The following ZFPM1 variants were observed in gnomAD, a reference collection of about 807,000 sequenced individuals.
ZFPM1 encodes zinc finger protein, FOG family member 1, also known as zinc finger protein ZFPM1.
Under a neutral mutation model 46.3 loss-of-function variants are expected in ZFPM1, and 28 were observed. That is an observed-to-expected ratio of 0.60 (90% confidence interval 0.45 to 0.83). ZFPM1 has a LOEUF of 0.83. Among genes scored for constraint, ZFPM1 ranks in the 40% least tolerant of loss-of-function variants. The pLI is 0.00. For missense variants in ZFPM1, 1,878 were observed against 1,432.4 expected (o/e 1.31, Z -5.02); for synonymous variants, 957 against 675.9 (o/e 1.42, Z -6.45).
intron 4 of ZFPM1, among the ~76,000 whole-genome samples, chr16:88,520,591 AGGGTGAG>A (rs1281318857): frequency 0.23 from 15,060 of 66,162 alleles, 1,206 homozygotes; most frequent in Middle Eastern, 0.41. Context: ...GATGGATGGG[AGGGTGAG>A]TGGGTGGATG....
Position 88,518,062 on chromosome 16 carries a change from G to A in ZFPM1, c.402+3542G>A, listed in dbSNP as rs78296373. Among the ~76,000 whole-genome samples the A allele has an allele frequency of 5.4e-3, 828 of 152,228 alleles. 6 individuals are homozygous for A. Among genetic ancestry groups the A allele is most frequent in the African/African-American group, 0.019 (797 of 41,542 alleles). ...CGTCTCTATTAAAAAAAAATTAGCC[G>A]GGCATGGTGGCGGGCGCCTGTAGCC... is the stretch of plus-strand genomic sequence containing the variant. On this transcript the variant is annotated intron_variant, in intron 4 of 9. Transcript: ENST00000319555.
Position 88,480,827 on chromosome 16 carries a change from C to A in ZFPM1, c.41-5112C>A, listed in dbSNP as rs562811770. Among the ~76,000 whole-genome samples, 10 of 152,348 alleles carry A rather than the reference C, an allele frequency of 6.6e-5. No individual in the cohort carries two copies. Among genetic ancestry groups the A allele is most frequent in the African/African-American group, 2.4e-4 (10 of 41,584 alleles). ...GGGCCCACAGTCTGGGGGATGCCCCCCTCTCCTCAGCGACTGGCTCCAGCT... is the reference window on the plus strand; with the variant it reads ...GGGCCCACAGTCTGGGGGATGCCCCACTCTCCTCAGCGACTGGCTCCAGCT... On this transcript the variant is annotated intron_variant, in intron 1 of 9. Transcript: ENST00000319555. This position sits in a 1 kb window ranked among gnomAD's most constrained non-coding sequence, Gnocchi z 4.9.
chr16:88,529,582 T>C (rs1291045915), intron 6 of ZFPM1, among the ~76,000 whole-genome samples: 1 of 152,086 alleles, frequency 6.6e-6, no homozygotes, highest in East Asian at 1.9e-4. Flanking sequence ...AGGATGGGGC[T>C]CAGAGAGCCC....
chr16:88,502,468 G>A (rs576016033), intron 3 of ZFPM1, among the ~76,000 whole-genome samples: 10 of 152,112 alleles, frequency 6.6e-5, no homozygotes, highest in Non-Finnish European at 1.2e-4. Context: ...CCTGTGGGCC[G>A]CCCGGGGCCA....
chr16:88,481,376 G>A (rs921242274), intron 1 of ZFPM1, among the ~76,000 whole-genome samples: 1 of 152,294 alleles, frequency 6.6e-6, no homozygotes, highest in African/African-American at 2.4e-5. Flanking sequence ...TACGTGCTGG[G>A]TGCAGGTCTG....
chr16:88,494,028 A>C (rs374174347), intron 3 of ZFPM1, among the ~76,000 whole-genome samples: 6 of 152,114 alleles, frequency 3.9e-5, no homozygotes, highest in Non-Finnish European at 8.8e-5. Flanking sequence ...TAAAATGGAC[A>C]TAAGGAAAGC....
chr16:88,509,332 C>T (rs893130149), intron 3 of ZFPM1, among the ~76,000 whole-genome samples: 6 of 152,254 alleles, frequency 3.9e-5, no homozygotes, highest in East Asian at 1.9e-4. Context: ...CGGGGCCGGG[C>T]GGAGCGATGG....
intron 1 of ZFPM1, among the ~76,000 whole-genome samples, chr16:88,454,478 C>G (rs1241480871): frequency 6.6e-6 from 1 of 152,220 alleles, no homozygotes; most frequent in East Asian, 1.9e-4. Context: ...ATGGGCTGCT[C>G]TGAGTCAGAG....
In ZFPM1 at chr16:88,533,148, A is replaced by G. The variant is rs1912933588; in HGVS notation, c.1190A>G (p.Asp397Gly). The change falls in exon 10 of 10, where the codon GAC (aspartate) becomes GGC (glycine). Residue 397 changes from aspartate (D) to glycine (G), a missense_variant and splice_region_variant. Physicochemically the swap from Asp to Gly is moderately conservative, Grantham distance 94 (BLOSUM62 -1). Transcript: ENST00000319555. ...TGCCACCCCTGCGATCTCTCTGCAG[A>G]CAGTCTGGGCAGCTTCCAGCAGCAG... is the stretch of plus-strand genomic sequence containing the variant. ...AGHPATKLPP[D>G]SLGSFQQQHT... 6.7e-7 allele frequency: 1 copy of G among 1,495,062 alleles called. No individual in the cohort carries two copies. The highest frequency in any genetic ancestry group is 2.4e-5 in the East Asian group (1 of 42,178). 92.6% of individuals were successfully genotyped at this position (1,495,062 alleles called of 1,614,324 possible).
At chr16:88,523,427 G>A (rs1375273563) in intron 4 of ZFPM1, among the ~76,000 whole-genome samples, 4 of 152,324 alleles carry the variant, frequency 2.6e-5, no homozygotes, top group East Asian at 3.9e-4. Flanking sequence ...CTGCCCCAGC[G>A]TCTCCTGGCC....
intron 1 of ZFPM1, among the ~76,000 whole-genome samples, chr16:88,464,299 C>A (rs1908027969): frequency 6.6e-6 from 1 of 152,236 alleles, no homozygotes; most frequent in Admixed American, 6.5e-5. Flanking sequence ...TGCCCCCAGG[C>A]TGCCTGTTTA....
Position 88,497,125 on chromosome 16 carries a change from A to T in ZFPM1, c.268+7972A>T, listed in dbSNP as rs1567539221. On this transcript the variant is annotated intron_variant, in intron 3 of 9. Transcript: ENST00000319555. This position sits in a 1 kb window ranked among gnomAD's most constrained non-coding sequence, Gnocchi z 5.4. ...TGATCACACAAGTCGTGACTTTTCC[A>T]TCCCCACTCCATCCTGGGCTCTGAT... 6.6e-6 allele frequency among the ~76,000 whole-genome samples: 1 copy of T among 152,136 alleles called. No homozygotes were observed. Among genetic ancestry groups the T allele is most frequent in the East Asian group, 1.9e-4 (1 of 5,180 alleles).
At chr16:88,463,908 T>C (rs1426611689) in intron 1 of ZFPM1, among the ~76,000 whole-genome samples, 1 of 152,112 alleles carries the variant, frequency 6.6e-6, no homozygotes, top group African/African-American at 2.4e-5. Context: ...CTGCAGGGCC[T>C]TAGAAATGTA....
Position 88,533,967 on chromosome 16 carries a change from G to C in ZFPM1, c.2009G>C (p.Gly670Ala), listed in dbSNP as rs773013769. 2 of 1,317,238 alleles carry C rather than the reference G, an allele frequency of 1.5e-6. No individual in the cohort carries two copies. The highest frequency in any genetic ancestry group is 1.3e-5 in the South Asian group (1 of 77,954). 81.6% of individuals were successfully genotyped at this position (1,317,238 alleles called of 1,614,324 possible). ...GRGSEGSQSP[G>A]SSVDDAEDDP... is the part of the protein sequence containing the mutation. Reference sequence around the variant, plus strand: ...GGCAGCGAGGGCAGCCAGAGCCCGGGTAGCTCCGTGGACGACGCGGAGGAC... The same window carrying C: ...GGCAGCGAGGGCAGCCAGAGCCCGGCTAGCTCCGTGGACGACGCGGAGGAC... The change falls in exon 10 of 10, where the codon GGT becomes GCT. Residue 670 changes from glycine to alanine, a missense_variant. By Grantham distance (60) the Gly-to-Ala change is moderately conservative. Transcript: ENST00000319555.
At chr16:88,482,526 C>T (rs1186817611) in intron 1 of ZFPM1, among the ~76,000 whole-genome samples, 1 of 152,134 alleles carries the variant, frequency 6.6e-6, no homozygotes, top group African/African-American at 2.4e-5. Context: ...ATAGGAGAAC[C>T]CATCACCATC....
intron 1 of ZFPM1, among the ~76,000 whole-genome samples, chr16:88,457,318 C>A (rs1318256315): frequency 1.3e-5 from 2 of 152,238 alleles, no homozygotes; most frequent in East Asian, 3.8e-4. Flanking sequence ...TGCTCATGAC[C>A]CAGAGTGGTG....
At chr16:88,524,123 C>T (rs1350174646) in intron 4 of ZFPM1, among the ~76,000 whole-genome samples, 4 of 152,216 alleles carry the variant, frequency 2.6e-5, no homozygotes, top group Admixed American at 6.5e-5. Context: ...GATTTCATAT[C>T]GTTACCGCAG....
At chr16:88,514,618 T>C in intron 4 of ZFPM1, 98 bp downstream of exon 4, 5 of 1,394,880 alleles carry the variant, frequency 3.6e-6, no homozygotes, top group Non-Finnish European at 4.7e-6. Context: ...TCCGGGGCTC[T>C]GGCCACTTGA....
chr16:88,506,936 G>T (rs928002989), intron 3 of ZFPM1, among the ~76,000 whole-genome samples: 1 of 152,238 alleles, frequency 6.6e-6, no homozygotes, highest in Non-Finnish European at 1.5e-5. Context: ...CGCATGTCAC[G>T]TTGTTCCTTC....
Sources: allele counts gnomAD v4.1 joint callset (sites outside exome capture counted in the v4.1 genomes callset), GRCh38; gene constraint gnomAD v4.1.1; non-coding constraint Gnocchi (gnomAD v3.1); transcripts MANE v1.5; gene names NCBI Gene and HGNC (gene_info 2026-07-23, HGNC 2026-07-21).